Variants in FRMD4A observed in about 807,000 individuals in gnomAD.
FRMD4A encodes FERM domain containing 4A.
Under a neutral mutation model 129.1 loss-of-function variants are expected in FRMD4A, and 29 were observed. That is an observed-to-expected ratio of 0.22 (90% confidence interval 0.17 to 0.31). The LOEUF is 0.31. Ranked by LOEUF, FRMD4A falls within the 10% of genes least tolerant of loss-of-function variation. The pLI, the probability that FRMD4A is intolerant of heterozygous loss-of-function variation, is 1.00. For synonymous variants in FRMD4A, 634 were observed against 571.6 expected (o/e 1.11, Z -1.56); for missense variants, 1,272 against 1,375.8 (o/e 0.92, Z 1.19).
At chr10:14,256,186 G>A (rs533955008) in intron 2 of FRMD4A, among the ~76,000 whole-genome samples, 7 of 151,652 alleles carry the variant, frequency 4.6e-5, no homozygotes, top group Non-Finnish European at 7.4e-5. Context: ...TATAATAGAC[G>A]GCAATAATTG....
Position 13,674,872 on chromosome 10 carries a change from C to A in FRMD4A, c.1251+39G>T, listed in dbSNP as rs199775573. On this transcript the variant is annotated intron_variant, in intron 16 of 24. Transcript: ENST00000357447. ...TCAGAAAGATCAGTGACATCACAGA[C>A]AACACCAATTTCAACGGGATGAGCT... 2.3e-5 allele frequency: 37 copies of A among 1,604,310 alleles called. No individual in the cohort carries two copies. In the African/African-American group the frequency reaches 3.7e-4, roughly 16 times the overall value.
chr10:13,802,620 T>TA (rs35551739), intron 4 of FRMD4A, among the ~76,000 whole-genome samples: 11,057 of 151,046 alleles, frequency 0.073, 492 homozygotes, highest in African/African-American at 0.12. Flanking sequence ...CTTGGGTAAT[T>TA]AAAAAAAAAG....
chr10:13,826,397 C>T (rs1408287276), intron 3 of FRMD4A, among the ~76,000 whole-genome samples: 1 of 152,192 alleles, frequency 6.6e-6, no homozygotes. Flanking sequence ...AGCATACTTT[C>T]TTATTCCCAG....
Position 14,263,775 on chromosome 10 carries a change from T to C in FRMD4A, c.45+66283A>G, listed in dbSNP as rs539197575. ...TCGCCAGAAGATAACTATCAGGTTC[T>C]CGGTTTTCACTGCGACTGGCGCCCA... On this transcript the variant is annotated intron_variant, in intron 2 of 24. Transcript: ENST00000357447. Among the ~76,000 whole-genome samples the C allele has an allele frequency of 5.3e-5, 8 of 152,244 alleles. No individual in the cohort carries two copies. In the South Asian group the frequency reaches 1.7e-3, roughly 32 times the overall value.
intron 2 of FRMD4A, among the ~76,000 whole-genome samples, chr10:13,870,377 AG>A (rs1471088871): frequency 5.9e-5 from 9 of 152,184 alleles, no homozygotes; most frequent in Non-Finnish European, 8.8e-5. Flanking sequence ...CAGTTTCAAG[AG>A]TGGGCCACCT....
intron 2 of FRMD4A, among the ~76,000 whole-genome samples, chr10:14,194,374 G>A (rs1302137871): frequency 1.3e-5 from 2 of 152,202 alleles, no homozygotes; most frequent in Admixed American, 1.3e-4. Context: ...ACTTTGAGAG[G>A]CCGAGGCGGG....
intron 2 of FRMD4A, among the ~76,000 whole-genome samples, chr10:14,009,316 T>A (rs1398853332): frequency 6.6e-6 from 1 of 152,218 alleles, no homozygotes; most frequent in African/African-American, 2.4e-5. Flanking sequence ...GTTTGGGTTT[T>A]TTTTTTCTTT....
chr10:14,031,215 TAC>T (rs1282989394), intron 2 of FRMD4A, among the ~76,000 whole-genome samples: 1 of 152,098 alleles, frequency 6.6e-6, no homozygotes, highest in African/African-American at 2.4e-5. Context: ...AGGGTTCAAA[TAC>T]ACATTGTGGA....
intron 2 of FRMD4A, among the ~76,000 whole-genome samples, chr10:14,227,864 A>C (rs1843498899): frequency 6.6e-6 from 1 of 151,916 alleles, no homozygotes; most frequent in Non-Finnish European, 1.5e-5. Flanking sequence ...TTTCTAACAA[A>C]GTTTTCTGGC....
chr10:13,652,657 AAGT>A (rs1413953250), intron 23 of FRMD4A, among the ~76,000 whole-genome samples: 2 of 152,160 alleles, frequency 1.3e-5, no homozygotes, highest in Non-Finnish European at 2.9e-5. Context: ...ACAGCCCAAG[AAGT>A]AGGAGCAGAC....
intron 2 of FRMD4A, among the ~76,000 whole-genome samples, chr10:13,956,226 C>T (rs2095409391): frequency 6.6e-6 from 1 of 152,164 alleles, no homozygotes; most frequent in African/African-American, 2.4e-5. Flanking sequence ...ACTCTTGGCT[C>T]ACTGCAAACT....
intron 2 of FRMD4A, among the ~76,000 whole-genome samples, chr10:13,877,033 G>A (rs1368713616): frequency 6.6e-6 from 1 of 152,094 alleles, no homozygotes; most frequent in African/African-American, 2.4e-5. Context: ...CCTCAGTGAT[G>A]GGTGAAGCCA....
intron 12 of FRMD4A, among the ~76,000 whole-genome samples, chr10:13,728,825 G>T (rs1383480534): frequency 6.6e-6 from 1 of 152,010 alleles, no homozygotes; most frequent in Non-Finnish European, 1.5e-5. Flanking sequence ...GCCCGTCTCA[G>T]CCTCCCAAAG....
At chr10:13,998,299 G>A (rs2095630111) in intron 2 of FRMD4A, among the ~76,000 whole-genome samples, 1 of 152,078 alleles carries the variant, frequency 6.6e-6, no homozygotes. Flanking sequence ...CAATTTCCAT[G>A]GTGTAAATTC....
intron 2 of FRMD4A, among the ~76,000 whole-genome samples, chr10:14,033,854 A>G (rs1833376300): frequency 1.3e-5 from 2 of 152,104 alleles, no homozygotes; most frequent in South Asian, 4.2e-4. Flanking sequence ...GAAAAAAGAA[A>G]AGAAAAGAAG....
At chr10:13,669,123 G>A (rs1035661682) in intron 17 of FRMD4A, among the ~76,000 whole-genome samples, 2 of 143,670 alleles carry the variant, frequency 1.4e-5, no homozygotes, top group East Asian at 2.0e-4. Context: ...GTGCAGTGGC[G>A]CAACCTTGGC....
intron 2 of FRMD4A, among the ~76,000 whole-genome samples, chr10:14,082,246 A>T (rs1305369442): frequency 6.7e-6 from 1 of 149,228 alleles, no homozygotes; most frequent in Admixed American, 6.7e-5. Context: ...GACTCCAGAT[A>T]AAAAAAAAAT....
intron 2 of FRMD4A, among the ~76,000 whole-genome samples, chr10:14,011,729 C>G (rs1032434072): frequency 6.6e-6 from 1 of 152,028 alleles, no homozygotes. Context: ...CAAGAGAAGG[C>G]GGGACACGGT....
chr10:14,031,269 A>AT (rs11344544), intron 2 of FRMD4A, among the ~76,000 whole-genome samples: 162 of 143,222 alleles, frequency 1.1e-3, no homozygotes, highest in South Asian at 4.2e-3. Context: ...TTTTATAGAC[A>AT]TTTTTTTTTT....
Sources: allele counts gnomAD v4.1 joint callset (sites outside exome capture counted in the v4.1 genomes callset), GRCh38; gene constraint gnomAD v4.1.1; transcripts MANE v1.5; gene names NCBI Gene and HGNC (gene_info 2026-07-23, HGNC 2026-07-21).